AKAP19: variants seen among roughly 807,000 people sequenced by gnomAD.
The protein encoded by AKAP19 is small A-kinase anchoring protein.
the AKAP19 span, among the ~76,000 whole-genome samples, chr2:190,111,420 C>T: frequency 6.6e-6 from 1 of 152,000 alleles, no homozygotes; most frequent in Non-Finnish European, 1.5e-5. Flanking sequence ...TGTCCATTAG[C>T]CATCAAGTGA....
At chr2:190,197,679 T>C in the AKAP19 span, among the ~76,000 whole-genome samples, 1 of 152,220 alleles carries the variant, frequency 6.6e-6, no homozygotes, top group Admixed American at 6.5e-5. This position sits in a 1 kb window ranked among gnomAD's most constrained non-coding sequence, Gnocchi z 4.0. Context: ...GTTTTTCTTC[T>C]CTCAGGGATC....
chr2:190,163,434 AAAAAAAC>A, the AKAP19 span, among the ~76,000 whole-genome samples: 15 of 145,962 alleles, frequency 1.0e-4, no homozygotes, highest in East Asian at 5.8e-4. Flanking sequence ...ACTCCGTCTC[AAAAAAAC>A]AAAAAACAAA....
chr2:190,003,116 T>C, the AKAP19 span, among the ~76,000 whole-genome samples: 1 of 152,152 alleles, frequency 6.6e-6, no homozygotes, highest in Admixed American at 6.5e-5. Context: ...CATTACGTTT[T>C]CTGATAGAAC....
the AKAP19 span, among the ~76,000 whole-genome samples, chr2:190,115,398 C>A: frequency 8.3e-6 from 1 of 120,270 alleles, no homozygotes; most frequent in Non-Finnish European, 1.7e-5. Flanking sequence ...CGGCTCACTG[C>A]AAGCTCCGCC....
chr2:190,180,778 C>T, the AKAP19 span: 4 of 985,300 alleles, frequency 4.1e-6, no homozygotes, highest in Non-Finnish European at 4.8e-6. This position sits in a 1 kb window ranked among gnomAD's most constrained non-coding sequence, Gnocchi z 6.8. Flanking sequence ...GCCGCGAACC[C>T]GCGAGGAGCG....
the AKAP19 span, among the ~76,000 whole-genome samples, chr2:189,928,419 T>A: frequency 1.3e-5 from 2 of 151,986 alleles, no homozygotes; most frequent in Non-Finnish European, 2.9e-5. Flanking sequence ...ACTATAATAC[T>A]TGATGACATA....
the AKAP19 span, among the ~76,000 whole-genome samples, chr2:190,088,526 G>A: frequency 5.9e-5 from 9 of 152,010 alleles, no homozygotes; most frequent in Admixed American, 2.6e-4. Flanking sequence ...TAGAGATGTG[G>A]AACATAGGTA....
At chr2:190,078,191 G>A in the AKAP19 span, among the ~76,000 whole-genome samples, 1 of 152,090 alleles carries the variant, frequency 6.6e-6, no homozygotes, top group Non-Finnish European at 1.5e-5. Context: ...TTTTCTCTTA[G>A]TTTTGTCCTC....
chr2:190,009,732 C>A, the AKAP19 span, among the ~76,000 whole-genome samples: 1 of 152,012 alleles, frequency 6.6e-6, no homozygotes, highest in East Asian at 1.9e-4. Flanking sequence ...GCATTTAAAG[C>A]CATGAGACTG....
chr2:190,058,554 C>T, the AKAP19 span, among the ~76,000 whole-genome samples: 13 of 151,932 alleles, frequency 8.6e-5, no homozygotes, highest in African/African-American at 2.2e-4. Context: ...CACCTGCACA[C>T]GTATGTTTAT....
At chr2:190,003,315 T>G in the AKAP19 span, among the ~76,000 whole-genome samples, 1 of 152,076 alleles carries the variant, frequency 6.6e-6, no homozygotes, top group Non-Finnish European at 1.5e-5. Flanking sequence ...AAGATAATTC[T>G]TTCTTAATAT....
the AKAP19 span, among the ~76,000 whole-genome samples, chr2:190,064,747 T>A: frequency 6.6e-6 from 1 of 152,134 alleles, no homozygotes; most frequent in Non-Finnish European, 1.5e-5. Context: ...TAGCTGCCAA[T>A]TATCAGTCAC....
chr2:190,060,150 T>G, the AKAP19 span: 1 of 1,613,018 alleles, frequency 6.2e-7, no homozygotes, highest in East Asian at 2.2e-5. Flanking sequence ...TAAGTTGGAT[T>G]CAGGTTGTTT....
At chr2:190,163,484 G>C in the AKAP19 span, among the ~76,000 whole-genome samples, 1 of 149,782 alleles carries the variant, frequency 6.7e-6, no homozygotes, top group East Asian at 1.9e-4. Context: ...GTCTTGCCCT[G>C]TGATTTACAA....
At chr2:189,944,192 C>T in the AKAP19 span, among the ~76,000 whole-genome samples, 1 of 152,120 alleles carries the variant, frequency 6.6e-6, no homozygotes, top group African/African-American at 2.4e-5. Context: ...ATCCCCAATG[C>T]TGGAGCGGGG....
At chr2:190,118,451 C>T in the AKAP19 span, among the ~76,000 whole-genome samples, 2 of 152,188 alleles carry the variant, frequency 1.3e-5, no homozygotes, top group African/African-American at 2.4e-5. Flanking sequence ...TGATGAACAT[C>T]GATGCGAAAA....
chr2:190,023,190 A>T, the AKAP19 span, among the ~76,000 whole-genome samples: 6 of 152,278 alleles, frequency 3.9e-5, no homozygotes, highest in South Asian at 1.2e-3. Context: ...GCTATATTGT[A>T]AACTGCAAAA....
At chr2:190,147,807 G>A in the AKAP19 span, among the ~76,000 whole-genome samples, 1 of 151,852 alleles carries the variant, frequency 6.6e-6, no homozygotes, top group Non-Finnish European at 1.5e-5. Context: ...TTGATTCTCT[G>A]CTTGGTTGCT....
At chr2:190,118,566 T>C in the AKAP19 span, among the ~76,000 whole-genome samples, 16 of 152,044 alleles carry the variant, frequency 1.1e-4, no homozygotes, top group Non-Finnish European at 1.3e-4. Flanking sequence ...GTTCAACATA[T>C]GCAAATCAAT....
Sources: allele counts gnomAD v4.1 joint callset (sites outside exome capture counted in the v4.1 genomes callset), GRCh38; gene constraint gnomAD v4.1.1; non-coding constraint Gnocchi (gnomAD v3.1); transcripts MANE v1.5; gene names NCBI Gene and HGNC (gene_info 2026-07-23, HGNC 2026-07-21).